Variants in ANXA7 observed in about 807,000 individuals in gnomAD.
The protein encoded by ANXA7 is annexin A7.
ANXA7 carries 55 observed loss-of-function variants against 64.9 expected under a neutral mutation model. That is an observed-to-expected ratio of 0.85 (90% CI 0.68 to 1.06). The LOEUF (loss-of-function observed/expected upper bound fraction) is 1.06. Among genes scored for constraint, ANXA7 ranks in the 50% least tolerant of loss-of-function variants. The pLI is 0.00. For missense variants in ANXA7, 548 were observed against 582.1 expected, an observed-to-expected ratio of 0.94 and a Z score of 0.60; for synonymous variants, 200 against 192.4, an observed-to-expected ratio of 1.04 and a Z score of -0.33.
intron 2 of ANXA7, among the ~76,000 whole-genome samples, chr10:73,399,146 A>G (rs1589660612): frequency 1.3e-5 from 2 of 152,340 alleles, no homozygotes; most frequent in South Asian, 4.1e-4. Context: ...AAAGTGCTAA[A>G]GGATGGTAGG....
At chr10:73,407,013 CCCT>C (rs1212468638) in intron 1 of ANXA7, among the ~76,000 whole-genome samples, 1 of 152,168 alleles carries the variant, frequency 6.6e-6, no homozygotes, top group Non-Finnish European at 1.5e-5. Flanking sequence ...GCTTACTCAC[CCCT>C]CCTATCTAGC....
chr10:73,385,556 C>G (rs1387753630), intron 7 of ANXA7, among the ~76,000 whole-genome samples: 1 of 152,030 alleles, frequency 6.6e-6, no homozygotes, highest in Non-Finnish European at 1.5e-5. Context: ...TCAAAGATGA[C>G]TATAGCAGGC....
intron 7 of ANXA7, among the ~76,000 whole-genome samples, chr10:73,385,600 A>G (rs2055354748): frequency 6.6e-6 from 1 of 152,240 alleles, no homozygotes; most frequent in Non-Finnish European, 1.5e-5. Context: ...TAGGAAGTTA[A>G]GAAAAGAGGT....
chr10:73,412,502 T>G lies in ANXA7; in HGVS notation c.-2+1510A>C, dbSNP rs550152103. Among the ~76,000 whole-genome samples the G allele has an allele frequency of 4.6e-5, 7 of 151,570 alleles. No individual in the cohort carries two copies. In the South Asian group the frequency reaches 1.0e-3, roughly 22 times the overall value. On this transcript the variant is annotated intron_variant, in intron 1 of 12. Transcript: ENST00000372921. ...TAGTAAGTCTAGAGTTTTTTGGGTT[T>G]TTTTTTTTTTTGTGACAGAGTTTCT...
intron 5 of ANXA7, 71 bp from the exon 6 acceptor site, chr10:73,388,485 C>A: frequency 8.6e-7 from 1 of 1,156,498 alleles, no homozygotes; most frequent in Non-Finnish European, 1.3e-6. Context: ...TTAAAGACTT[C>A]CCCAGACATC....
intron 5 of ANXA7, among the ~76,000 whole-genome samples, chr10:73,393,906 A>G (rs925381022): frequency 2.6e-5 from 4 of 152,254 alleles, no homozygotes; most frequent in Non-Finnish European, 4.4e-5. Context: ...AGAAACTACC[A>G]TCAGAGTGAA....
intron 7 of ANXA7, among the ~76,000 whole-genome samples, chr10:73,384,828 T>A (rs1361800430): frequency 6.6e-6 from 1 of 152,084 alleles, no homozygotes; most frequent in Non-Finnish European, 1.5e-5. Flanking sequence ...AAGTTCAAAG[T>A]CAGCTGGAGA....
At chr10:73,410,605 A>G (rs1355276494) in intron 1 of ANXA7, among the ~76,000 whole-genome samples, 1 of 152,076 alleles carries the variant, frequency 6.6e-6, no homozygotes, top group Non-Finnish European at 1.5e-5. Flanking sequence ...CAACATGGAG[A>G]AACCCGTCTC....
intron 5 of ANXA7, 99 bp from the exon 6 acceptor site, chr10:73,388,513 C>T (rs1296102928): frequency 1.1e-6 from 1 of 902,910 alleles, no homozygotes; most frequent in African/African-American, 1.7e-5. Flanking sequence ...AGTAAGAAGG[C>T]CAATGTTTGG....
chr10:73,384,285 T>C (rs574353232), intron 7 of ANXA7, among the ~76,000 whole-genome samples: 2 of 152,336 alleles, frequency 1.3e-5, no homozygotes, highest in South Asian at 2.1e-4. Flanking sequence ...AAGGGATATA[T>C]GAAACAAAGA....
In ANXA7 at chr10:73,375,119, C is replaced by T. The variant is rs1325442916; in HGVS notation, c.*976G>A. On this transcript the variant is annotated 3_prime_UTR_variant, in exon 13 of 13. Coordinates refer to ENST00000372921, the MANE Select transcript of ANXA7 (RefSeq NM_001156.5). ...AAGAGAATATTGTATACCATTTATA[C>T]GTGGAATCTAAAATAGCTGAACTTA... 1.3e-5 allele frequency: 2 copies of T among 151,428 alleles called. No homozygotes were observed. The highest frequency in any genetic ancestry group is 1.9e-4 in the East Asian group (1 of 5,182). The allele number at this position is 151,428 out of a possible 1,614,324, so 9.4% of individuals were successfully genotyped here.
intron 7 of ANXA7, among the ~76,000 whole-genome samples, chr10:73,384,535 G>A (rs1398308786): frequency 6.6e-6 from 1 of 151,954 alleles, no homozygotes; most frequent in Non-Finnish European, 1.5e-5. Context: ...CTGAGTAGCT[G>A]GGACTACAGG....
In ANXA7 at chr10:73,411,209, G is replaced by A. The variant is rs954655515; in HGVS notation, c.-2+2803C>T. Among the ~76,000 whole-genome samples, 10 of 152,238 alleles carry A rather than the reference G, an allele frequency of 6.6e-5. No individual in the cohort carries two copies. The East Asian group carries it at 1.2e-3, about 18-fold the overall frequency. On this transcript the variant is annotated intron_variant, in intron 1 of 12. Transcript: ENST00000372921. Reference sequence around the variant, plus strand: ...ATACAGGGGTGGAAAACCAAAAGCCGTATGTTCTCACTGTGTAAGTGGAAG... The same window carrying A: ...ATACAGGGGTGGAAAACCAAAAGCCATATGTTCTCACTGTGTAAGTGGAAG...
At chr10:73,412,049 T>G (rs1293166836) in intron 1 of ANXA7, among the ~76,000 whole-genome samples, 2 of 151,100 alleles carry the variant, frequency 1.3e-5, no homozygotes, top group African/African-American at 4.9e-5. Context: ...TTCTTTTTTC[T>G]TTTTTTGAGA....
chr10:73,384,112 C>T (rs566619835), intron 7 of ANXA7, among the ~76,000 whole-genome samples: 2 of 151,042 alleles, frequency 1.3e-5, no homozygotes, highest in East Asian at 3.9e-4. Flanking sequence ...CAGAGCAAGA[C>T]TCCGTCTCAA....
chr10:73,402,152 G>A (rs1027286824), intron 1 of ANXA7, among the ~76,000 whole-genome samples: 9 of 152,096 alleles, frequency 5.9e-5, no homozygotes, highest in Admixed American at 2.0e-4. Flanking sequence ...ACATTCTGGA[G>A]TCACATATAC....
chr10:73,409,886 A>C (rs893092372), intron 1 of ANXA7, among the ~76,000 whole-genome samples: 1 of 152,226 alleles, frequency 6.6e-6, no homozygotes, highest in African/African-American at 2.4e-5. Context: ...CTGCTCTTTG[A>C]CAAAGCACAC....
intron 1 of ANXA7, among the ~76,000 whole-genome samples, chr10:73,411,794 G>A (rs1315260131): frequency 6.6e-6 from 1 of 151,802 alleles, no homozygotes; most frequent in Admixed American, 6.6e-5. Flanking sequence ...ATACAAGGAG[G>A]TGTTATGTGG....
chr10:73,389,155 A>G (rs980413333), intron 5 of ANXA7, among the ~76,000 whole-genome samples: 1 of 152,240 alleles, frequency 6.6e-6, no homozygotes, highest in African/African-American at 2.4e-5. Flanking sequence ...GCACAAAATC[A>G]TTTCTGTGGT....
Sources: allele counts gnomAD v4.1 joint callset (sites outside exome capture counted in the v4.1 genomes callset), GRCh38; gene constraint gnomAD v4.1.1; transcripts MANE v1.5; gene names NCBI Gene and HGNC (gene_info 2026-07-23, HGNC 2026-07-21).